CFAP44: variants seen among roughly 807,000 people sequenced by gnomAD.
CFAP44 encodes the protein cilia- and flagella-associated protein 44.
Under a neutral mutation model 216.2 loss-of-function variants are expected in CFAP44, and 134 were observed. That is an observed-to-expected ratio of 0.62 (90% confidence interval 0.54 to 0.72). CFAP44 has a LOEUF of 0.72. Ranked by LOEUF, CFAP44 falls within the 30% of genes least tolerant of loss-of-function variation. The probability of loss-of-function intolerance (pLI) is 0.00; values close to 1 mark genes in which losing one functional copy is unlikely to be tolerated. For missense variants in CFAP44, 2,035 were observed against 2,182.1 expected, an observed-to-expected ratio of 0.93 and a Z score of 1.34; for synonymous variants, 700 against 727.6, an observed-to-expected ratio of 0.96 and a Z score of 0.61.
intron 28 of CFAP44, among the ~76,000 whole-genome samples, chr3:113,323,598 T>A (rs1950163968): frequency 6.6e-6 from 1 of 152,110 alleles, no homozygotes; most frequent in Non-Finnish European, 1.5e-5. Context: ...AGCTGAATTT[T>A]TTTTTAGAAA....
intron 2 of CFAP44, chr3:113,432,071 G>A (rs957142940): frequency 6.6e-6 from 1 of 152,142 alleles, no homozygotes; most frequent in Non-Finnish European, 1.5e-5. Context: ...CCAAGATCAA[G>A]CATCTCTAAA....
At chr3:113,314,770 T>A (rs1950071443) in intron 28 of CFAP44, among the ~76,000 whole-genome samples, 1 of 152,074 alleles carries the variant, frequency 6.6e-6, no homozygotes, top group African/African-American at 2.4e-5. Context: ...AGGGATGTAA[T>A]GGTAAGTAAG....
rs768428865 is a variant in CFAP44 at position 113,396,599 on chromosome 3, C to G, written c.1698G>C (p.Gln566His). The G allele has an allele frequency of 1.9e-6, 3 of 1,614,132 alleles. No individual in the cohort carries two copies. In the South Asian group the frequency reaches 3.3e-5, roughly 18 times the overall value. Residue 566 changes from glutamine to histidine, a missense_variant, in exon 14 of 35, where the codon CAG becomes CAC. Coordinates refer to ENST00000393845, the MANE Select transcript of CFAP44 (RefSeq NM_001164496.2). ...TATGGGGTTTGAAAACCTGTTTCAACTGAATATCAGCATCCAAAATTTTCT... is the reference window on the plus strand; with the variant it reads ...TATGGGGTTTGAAAACCTGTTTCAAGTGAATATCAGCATCCAAAATTTTCT... ...GRKKILDADIQLKQVFKPHTA... is the reference protein window; with the variant it reads ...GRKKILDADIHLKQVFKPHTA...
chr3:113,376,501 T>C (rs1481025559), intron 17 of CFAP44, among the ~76,000 whole-genome samples: 1 of 152,266 alleles, frequency 6.6e-6, no homozygotes, highest in Non-Finnish European at 1.5e-5. Flanking sequence ...AAGCTTGTTC[T>C]GCACATGAGA....
intron 14 of CFAP44, 24 bp from the exon 15 acceptor site, chr3:113,395,884 C>A (rs376851890): frequency 1.3e-6 from 2 of 1,541,720 alleles, no homozygotes; most frequent in Non-Finnish European, 1.8e-6. Flanking sequence ...GACACACCGA[C>A]GAAATATATA....
At chr3:113,390,583 T>C (rs1933768414) in intron 15 of CFAP44, among the ~76,000 whole-genome samples, 2 of 152,154 alleles carry the variant, frequency 1.3e-5, no homozygotes, top group South Asian at 2.1e-4. Context: ...TATGATCTTA[T>C]ATTTGGTAAA....
intron 15 of CFAP44, among the ~76,000 whole-genome samples, chr3:113,389,897 A>C (rs1395317676): frequency 6.6e-6 from 1 of 152,058 alleles, no homozygotes; most frequent in African/African-American, 2.4e-5. Flanking sequence ...CCTGGGACCC[A>C]ATGGCTTCAC....
At chr3:113,417,283 AAGT>A (rs1339883085) in intron 5 of CFAP44, 1 of 152,220 alleles carries the variant, frequency 6.6e-6, no homozygotes, top group East Asian at 1.9e-4. Context: ...AACTTACCAG[AAGT>A]AAGAAAGATA....
intron 13 of CFAP44, chr3:113,397,307 AAGAAAAAG>A (rs1934017602): frequency 6.5e-6 from 1 of 153,034 alleles, no homozygotes. Flanking sequence ...AACAGAACTC[AAGAAAAAG>A]TTATAGTCTG....
chr3:113,303,892 A>C, intron 32 of CFAP44, 24 bp downstream of exon 32: 2 of 1,536,192 alleles, frequency 1.3e-6, no homozygotes, highest in Non-Finnish European at 1.7e-6. Context: ...CCTTACTAGC[A>C]AGGCTGTGGG....
chr3:113,365,586 A>G (rs1269122809), intron 19 of CFAP44, among the ~76,000 whole-genome samples: 1 of 152,178 alleles, frequency 6.6e-6, no homozygotes, highest in African/African-American at 2.4e-5. Context: ...ATCTTTAATC[A>G]TGACCCACAT....
At chr3:113,407,348 A>G (rs1934316351) in intron 7 of CFAP44, among the ~76,000 whole-genome samples, 1 of 151,884 alleles carries the variant, frequency 6.6e-6, no homozygotes, top group Non-Finnish European at 1.5e-5. Context: ...GATTTAAAGT[A>G]ATTAACATTA....
At chr3:113,306,496 G>A (rs986234291) in intron 29 of CFAP44, among the ~76,000 whole-genome samples, 165 bp from the exon 30 acceptor site, 2 of 152,140 alleles carry the variant, frequency 1.3e-5, no homozygotes, top group Non-Finnish European at 2.9e-5. Context: ...GAAATTATTA[G>A]TATTACTAAT....
intron 13 of CFAP44, among the ~76,000 whole-genome samples, chr3:113,399,103 G>T (rs190253430): frequency 4.3e-4 from 66 of 152,272 alleles, no homozygotes; most frequent in African/African-American, 1.5e-3. Context: ...CATGGAGAGG[G>T]TGTTAGGTAT....
chr3:113,409,344 TAATA>T (rs1934387209), intron 6 of CFAP44, 22 bp from the exon 7 acceptor site: 2 of 1,596,290 alleles, frequency 1.3e-6, no homozygotes, highest in Non-Finnish European at 1.7e-6. Flanking sequence ...AATGGAAGCC[TAATA>T]AATAAGGACA....
rs58191991 is a variant in CFAP44 at position 113,326,478 on chromosome 3, G to A, written c.4483C>T (p.Arg1495Trp). The A allele has an allele frequency of 4.5e-3, 6,756 of 1,515,284 alleles. 49 individuals carry two copies. Among genetic ancestry groups the A allele is most frequent in the African/African-American group, 0.022 (1,599 of 71,582 alleles). The allele number at this position is 1,515,284 out of a possible 1,614,324, so 93.9% of individuals were successfully genotyped here. ...LMKVLKKKIK[R>W]VKKKEVEGDA... ...CCTTCAACTTCTTTTTTCTTTACCC[G>A]TTTAATCTTCTTCTTTAGGACCTTC... The change falls in exon 28 of 35, where the codon CGG becomes TGG. Residue 1495 changes from arginine to tryptophan, a missense_variant. Arg to Trp is a moderately radical substitution (Grantham distance 101). Around this residue, in one of 3 missense-constraint regions of CFAP44, gnomAD observed 1,883 missense variants for 2,023.7 expected, o/e 0.93. Transcript: ENST00000393845.
chr3:113,358,597 A>T, intron 22 of CFAP44, 148 bp downstream of exon 22: 1 of 996,224 alleles, frequency 1.0e-6, no homozygotes, highest in Non-Finnish European at 1.3e-6. Flanking sequence ...AAATATCAGT[A>T]GCAGTGACAA....
At chr3:113,428,247 A>C (rs1306449121) in intron 2 of CFAP44, among the ~76,000 whole-genome samples, 1 of 152,232 alleles carries the variant, frequency 6.6e-6, no homozygotes, top group African/African-American at 2.4e-5. Context: ...AGGGCACTAC[A>C]AGTGTAACAC....
intron 28 of CFAP44, among the ~76,000 whole-genome samples, chr3:113,313,670 C>T (rs1351870343): frequency 6.6e-6 from 1 of 152,042 alleles, no homozygotes; most frequent in Non-Finnish European, 1.5e-5. Context: ...GGCGGTTTCC[C>T]CCATACTGTT....
Sources: allele counts gnomAD v4.1 joint callset (sites outside exome capture counted in the v4.1 genomes callset), GRCh38; gene constraint gnomAD v4.1.1; regional missense constraint gnomAD v4.1.1; transcripts MANE v1.5; gene names NCBI Gene and HGNC (gene_info 2026-07-23, HGNC 2026-07-21).